FBLN2: variants seen among roughly 807,000 people sequenced by gnomAD.
FBLN2 encodes the protein fibulin 2.
A neutral mutation model predicts 123.7 loss-of-function variants in FBLN2; 81 were observed. The observed-to-expected ratio is 0.65, with a 90% confidence interval of 0.55 to 0.79. The LOEUF is 0.79. Among genes scored for constraint, FBLN2 ranks in the 30% least tolerant of loss-of-function variants. FBLN2 has a pLI of 0.00. For synonymous variants in FBLN2, 699 were observed against 701.4 expected, an observed-to-expected ratio of 1.00 and a Z score of 0.05; for missense variants, 1,603 against 1,681.3, an observed-to-expected ratio of 0.95 and a Z score of 0.81.
At chr3:13,580,088 C>T (rs1036248281) in intron 2 of FBLN2, among the ~76,000 whole-genome samples, 7 of 152,152 alleles carry the variant, frequency 4.6e-5, no homozygotes, top group East Asian at 3.9e-4. Flanking sequence ...CATAGTGTTC[C>T]GTTGCAGGGA....
At chr3:13,554,535 C>G (rs539236829) in intron 1 of FBLN2, among the ~76,000 whole-genome samples, 1 of 151,902 alleles carries the variant, frequency 6.6e-6, no homozygotes, top group South Asian at 2.1e-4. Context: ...CTCTCTTTCT[C>G]TCTGTCTCTT....
Position 13,628,942 on chromosome 3 carries a change from G to T in FBLN2, c.2607G>T (p.Arg869=). ...NECTSLSEPC[R]PGFSCINTVG... is the part of the protein sequence containing the mutation. The stretch of plus-strand genomic sequence containing the variant: ...GCACGTCACTGTCCGAGCCATGTCG[G>T]CCAGGCTTCAGCTGCATCAACACGG... The change falls in exon 12 of 18, where the codon CGG becomes CGT. Residue 869 remains arginine, a synonymous_variant. Coordinates refer to ENST00000404922, the MANE Select transcript of FBLN2 (RefSeq NM_001004019.2). 1 of 1,613,606 alleles carries T rather than the reference G, an allele frequency of 6.2e-7. No homozygotes were observed. Among genetic ancestry groups the T allele is most frequent in the Non-Finnish European group, 8.5e-7 (1 of 1,179,772 alleles).
At chr3:13,597,179 G>T (rs981764159) in intron 2 of FBLN2, among the ~76,000 whole-genome samples, 1 of 152,156 alleles carries the variant, frequency 6.6e-6, no homozygotes, top group African/African-American at 2.4e-5. Flanking sequence ...CAACCCTCCT[G>T]CTTCAGCCTC....
chr3:13,597,373 G>A (rs939498752), intron 2 of FBLN2, among the ~76,000 whole-genome samples: 14 of 152,108 alleles, frequency 9.2e-5, no homozygotes, highest in Non-Finnish European at 1.2e-4. Flanking sequence ...CCATAGGGTC[G>A]CCCCTGACAC....
At chr3:13,614,365 C>G (rs1705506724) in intron 5 of FBLN2, among the ~76,000 whole-genome samples, 1 of 152,140 alleles carries the variant, frequency 6.6e-6, no homozygotes, top group South Asian at 2.1e-4. Flanking sequence ...CACCCATCAC[C>G]CTTTCACTGT....
intron 2 of FBLN2, among the ~76,000 whole-genome samples, chr3:13,587,144 C>CAAAAAAA (rs57120285): frequency 1.4e-5 from 1 of 70,944 alleles, no homozygotes; most frequent in East Asian, 4.2e-4. Flanking sequence ...GACTCCGTCT[C>CAAAAAAA]AAAAAAAAAA....
intron 2 of FBLN2, among the ~76,000 whole-genome samples, chr3:13,600,487 T>A (rs1454431238): frequency 6.6e-6 from 1 of 151,716 alleles, no homozygotes; most frequent in African/African-American, 2.4e-5. Flanking sequence ...ATGGTTAGAG[T>A]CCCAGAGACG....
At chr3:13,565,783 C>T (rs1238294567) in intron 1 of FBLN2, among the ~76,000 whole-genome samples, 2 of 152,214 alleles carry the variant, frequency 1.3e-5, no homozygotes, top group African/African-American at 4.8e-5. Context: ...GCCCGGTGAC[C>T]ACCAGGGGCC....
intron 16 of FBLN2, among the ~76,000 whole-genome samples, chr3:13,633,859 C>A (rs1397856051): frequency 6.6e-6 from 1 of 152,038 alleles, no homozygotes; most frequent in Non-Finnish European, 1.5e-5. Context: ...GCTCATTGGA[C>A]AGTTGACCCC....
chr3:13,598,827 A>G (rs1301447565), intron 2 of FBLN2, among the ~76,000 whole-genome samples: 5 of 152,186 alleles, frequency 3.3e-5, no homozygotes, highest in Non-Finnish European at 7.3e-5. Context: ...GTCGAAGGAC[A>G]TGAGTGAAGT....
Position 13,637,874 on chromosome 3 carries a change from C to T in FBLN2, c.3651C>T (p.Thr1217=), listed in dbSNP as rs867941026. 6 of 1,607,118 alleles carry T rather than the reference C, an allele frequency of 3.7e-6. No individual in the cohort carries two copies. Among genetic ancestry groups the T allele is most frequent in the South Asian group, 1.1e-5 (1 of 90,480 alleles). The part of the protein sequence containing the change: ...MKLWRQGSVT[T]FLAKMHIFFT... ...TCTGGAGGCAGGGCTCCGTCACCACCTTCCTGGCCAAGATGCACATCTTCT... is the reference window on the plus strand; with the variant it reads ...TCTGGAGGCAGGGCTCCGTCACCACTTTCCTGGCCAAGATGCACATCTTCT... The change falls in exon 18 of 18, where the codon ACC becomes ACT. Residue 1217 remains threonine, a synonymous_variant. Coordinates refer to ENST00000404922, the MANE Select transcript of FBLN2 (RefSeq NM_001004019.2).
At chr3:13,561,560 G>T (rs935674092) in intron 1 of FBLN2, among the ~76,000 whole-genome samples, 4 of 152,168 alleles carry the variant, frequency 2.6e-5, no homozygotes, top group African/African-American at 7.2e-5. Context: ...TGTTAGTGCT[G>T]CTTAGGATAC....
Position 13,618,983 on chromosome 3 carries a change from C to CCCGCTG in FBLN2, c.2022_2027dup (p.Leu677_Pro678dup). ...TTTCCCAGGTGGCCTCTAACACCAT[C>CCCGCTG]CCGCTGCCACTGCCGCAGCCCAATA... On this transcript the variant is annotated inframe_insertion, in exon 7 of 18. Coordinates refer to ENST00000404922, the MANE Select transcript of FBLN2 (RefSeq NM_001004019.2). The CCCGCTG allele has an allele frequency of 6.2e-7, 1 of 1,612,964 alleles. No homozygotes were observed. The highest frequency in any genetic ancestry group is 8.5e-7 in the Non-Finnish European group (1 of 1,179,612).
In FBLN2 at chr3:13,609,565, G is replaced by T. The variant is rs1288205989; in HGVS notation, c.1471G>T (p.Ala491Ser). 6.4e-7 allele frequency: 1 copy of T among 1,555,836 alleles called. No individual in the cohort carries two copies. ...VSYLQEKSCMAGVLGAKEGET... is the reference protein window; with the variant it reads ...VSYLQEKSCMSGVLGAKEGET... ...CTACTTGCAGGAGAAGAGCTGCATG[G>T]CCGGCGTCCTGGGAGCCAAGGAGGG... Residue 491 changes from alanine to serine, a missense_variant, in exon 4 of 18, where the codon GCC (alanine) becomes TCC (serine). Transcript: ENST00000404922.
intron 2 of FBLN2, among the ~76,000 whole-genome samples, chr3:13,596,878 AAAAT>A (rs1178981517): frequency 1.3e-5 from 2 of 151,624 alleles, no homozygotes; most frequent in Admixed American, 6.5e-5. Flanking sequence ...TTAAATTTAA[AAAAT>A]AAATTAGTTT....
In FBLN2 at chr3:13,636,513, A is replaced by G; in HGVS notation, c.3283A>G (p.Ser1095Gly). The change falls in exon 17 of 18, where the codon AGC becomes GGC. Residue 1095 changes from serine to glycine, a missense_variant. Ser to Gly is a moderately conservative substitution (Grantham distance 56). Transcript: ENST00000404922. ...EAETCHNIQG[S>G]FRCLRFECPP... is the part of the protein sequence containing the mutation. The stretch of plus-strand genomic sequence containing the variant: ...TGAGACCTGCCACAACATCCAGGGT[A>G]GCTTCCGCTGCCTGCGCTTCGAGTG... The G allele has an allele frequency of 1.2e-6, 2 of 1,613,878 alleles. No individual in the cohort carries two copies. The highest frequency in any genetic ancestry group is 1.7e-6 in the Non-Finnish European group (2 of 1,179,836).
chr3:13,636,670 C>G (rs1348271946), intron 17 of FBLN2, 102 bp downstream of exon 17: 12 of 1,404,768 alleles, frequency 8.5e-6, no homozygotes, highest in African/African-American at 7.2e-5. Flanking sequence ...TCACCTCCCT[C>G]TCGTCCCAGC....
chr3:13,619,854 C>T, intron 8 of FBLN2, 23 bp downstream of exon 8: 1 of 1,590,820 alleles, frequency 6.3e-7, no homozygotes, highest in South Asian at 1.1e-5. Context: ...GGGTGCCCTC[C>T]TACCTGTGCA....
intron 16 of FBLN2, among the ~76,000 whole-genome samples, chr3:13,636,007 T>C (rs1346740216): frequency 6.6e-6 from 1 of 151,706 alleles, no homozygotes; most frequent in Non-Finnish European, 1.5e-5. Context: ...AGTTAAAAGA[T>C]GAGAAGCCTC....
Sources: gnomAD v4.1 joint callset for allele counts (sites outside exome capture counted in the v4.1 genomes callset) on GRCh38, gnomAD v4.1.1 for gene constraint, MANE v1.5 for transcripts, NCBI Gene and HGNC (gene_info 2026-07-23, HGNC 2026-07-21) for gene names.